The following EFCAB10 variants were observed in gnomAD, a reference collection of about 807,000 sequenced individuals.
The protein encoded by EFCAB10 is EF-hand calcium binding domain 10.
In EFCAB10, 7 loss-of-function variants were observed where a neutral mutation model predicts 7.7. That is an observed-to-expected ratio of 0.91 (90% CI 0.52 to 1.72). EFCAB10 has a LOEUF of 1.72. EFCAB10 is among the 40% of genes most tolerant of loss of function. EFCAB10 has a pLI of 0.00. For synonymous variants in EFCAB10, 52 were observed against 21.0 expected (o/e 2.47, Z -4.03); for missense variants, 112 against 61.5 (o/e 1.82, Z -2.74).
At chr7:105,571,443 T>C (rs1791946497) in intron 1 of EFCAB10, 1 of 152,192 alleles carries the variant, frequency 6.6e-6, no homozygotes, top group Non-Finnish European at 1.5e-5. Flanking sequence ...AACGTAGTTC[T>C]ACAGTATCAT....
At chr7:105,569,906 T>C (rs1283878473) in intron 1 of EFCAB10, among the ~76,000 whole-genome samples, 2 of 151,896 alleles carry the variant, frequency 1.3e-5, no homozygotes, top group Non-Finnish European at 2.9e-5. Flanking sequence ...GGGAAGAAGT[T>C]GGCAACCTAA....
rs1371395386 is a variant in EFCAB10, at chr7:105,581,376, G to A, written c.88C>T (p.Leu30Phe). Residue 30 changes from leucine to phenylalanine, a missense_variant, in exon 1 of 5, where the codon CTC becomes TTC. Transcript: ENST00000480514. ...KEVVSYLTSALLFFRPEKPKE... is the reference protein window; with the variant it reads ...KEVVSYLTSAFLFFRPEKPKE... ...CCCTTACCCGGCCGAAAGAAAAGGA[G>A]GGCGCTGGTGAGGTAGCTAACCACC... 4.3e-6 allele frequency: 3 copies of A among 702,990 alleles called. No individual in the cohort carries two copies. Among genetic ancestry groups the A allele is most frequent in the South Asian group, 1.5e-5 (1 of 67,596 alleles). The allele number at this position is 702,990 out of a possible 1,614,324, so 43.5% of individuals were successfully genotyped here.
At chr7:105,565,733 G>T in intron 4 of EFCAB10, 1 of 866,090 alleles carries the variant, frequency 1.2e-6, no homozygotes, top group Admixed American at 2.3e-5. Flanking sequence ...TTCTGGAGAT[G>T]TTTGGGTGGG....
chr7:105,575,261 G>C (rs1792049620), intron 1 of EFCAB10, among the ~76,000 whole-genome samples: 1 of 152,068 alleles, frequency 6.6e-6, no homozygotes, highest in Non-Finnish European at 1.5e-5. Flanking sequence ...TGAGATTTGG[G>C]CGGGGATACA....
chr7:105,568,048 C>T (rs898251255), intron 3 of EFCAB10, among the ~76,000 whole-genome samples: 27 of 152,152 alleles, frequency 1.8e-4, no homozygotes, highest in African/African-American at 6.5e-4. Flanking sequence ...GATTGTTCTT[C>T]ATTTCTCACA....
intron 3 of EFCAB10, among the ~76,000 whole-genome samples, chr7:105,568,812 G>C (rs1467793316): frequency 4.6e-5 from 7 of 152,112 alleles, no homozygotes; most frequent in Admixed American, 4.6e-4. Flanking sequence ...TTATCTGGAT[G>C]TGGTGATGCG....
At chr7:105,580,425 G>A (rs1792194115) in intron 1 of EFCAB10, among the ~76,000 whole-genome samples, 2 of 152,136 alleles carry the variant, frequency 1.3e-5, no homozygotes, top group South Asian at 4.1e-4. Context: ...ACCCGCTTCG[G>A]CCTCCCAAAG....
In EFCAB10 at chr7:105,578,948, T is replaced by A. The variant is rs61621345; in HGVS notation, c.106+2410A>T. Among the ~76,000 whole-genome samples, 391 of 152,282 alleles carry A rather than the reference T, an allele frequency of 2.6e-3. 3 individuals are homozygous for A. The highest frequency in any genetic ancestry group is 9.1e-3 in the African/African-American group (377 of 41,562). On this transcript the variant is annotated intron_variant, in intron 1 of 4. Coordinates refer to ENST00000480514, the MANE Select transcript of EFCAB10 (RefSeq NM_001355526.2). ...CCACCATGCCTGGCTAATTTTTGTA[T>A]TTTTAGTAGAGATGGGGTTTCACCA... is the stretch of plus-strand genomic sequence containing the variant.
chr7:105,567,155 C>A, intron 4 of EFCAB10: 2 of 1,585,046 alleles, frequency 1.3e-6, no homozygotes, highest in South Asian at 1.2e-5. Flanking sequence ...ATTTGAACGT[C>A]GGTTCTGCAC....
intron 3 of EFCAB10, among the ~76,000 whole-genome samples, chr7:105,567,848 T>C (rs768331381): frequency 2.4e-4 from 36 of 152,084 alleles, no homozygotes; most frequent in Admixed American, 5.9e-4. Flanking sequence ...CTGGCCAACA[T>C]GTCAAGACCC....
At chr7:105,579,496 T>G (rs892369632) in intron 1 of EFCAB10, among the ~76,000 whole-genome samples, 2 of 152,130 alleles carry the variant, frequency 1.3e-5, no homozygotes, top group African/African-American at 4.8e-5. Flanking sequence ...AATATATTAT[T>G]AACCAGGGAA....
chr7:105,565,326 A>T lies in EFCAB10; in HGVS notation c.*121T>A, dbSNP rs1791661472. The T allele has an allele frequency of 6.2e-7, 1 of 1,614,238 alleles. No individual in the cohort carries two copies. Among genetic ancestry groups the T allele is most frequent in the Non-Finnish European group, 8.5e-7 (1 of 1,180,036 alleles). On this transcript the variant is annotated 3_prime_UTR_variant, in exon 5 of 5. Transcript: ENST00000480514. ...AGAGCAGGCAGTGATGTCCCTGTCC[A>T]GTTCGGCTTGCCCGTTGCTGCTGAC...
At chr7:105,567,429 T>C in intron 4 of EFCAB10, 38 bp downstream of exon 4, 1 of 767,680 alleles carries the variant, frequency 1.3e-6, no homozygotes. Flanking sequence ...ATAGAATTAC[T>C]TATTATCTTG....
chr7:105,576,032 C>T (rs1348127875), intron 1 of EFCAB10, among the ~76,000 whole-genome samples: 7 of 151,880 alleles, frequency 4.6e-5, no homozygotes, highest in African/African-American at 1.2e-4. Flanking sequence ...AGCGAAACTC[C>T]GTCTCAACAA....
chr7:105,581,299 C>T, intron 1 of EFCAB10, 59 bp downstream of exon 1: 1 of 690,794 alleles, frequency 1.4e-6, no homozygotes, highest in South Asian at 1.5e-5. Context: ...AGGGGGGTTT[C>T]GTGTGGGAAG....
intron 1 of EFCAB10, among the ~76,000 whole-genome samples, chr7:105,575,321 A>T (rs575229145): frequency 2.9e-4 from 44 of 151,928 alleles, no homozygotes; most frequent in Non-Finnish European, 4.3e-4. Flanking sequence ...ATATATATAT[A>T]TTTTTTAGAT....
intron 1 of EFCAB10, chr7:105,572,952 G>C (rs111705370): frequency 2.7e-5 from 4 of 150,820 alleles, no homozygotes; most frequent in Admixed American, 2.6e-4. Flanking sequence ...GGCCATTTCT[G>C]TATCTTCTAT....
rs1791883639 is a variant in EFCAB10 at position 105,569,550 on chromosome 7, A to G, written c.128T>C (p.Ile43Thr). The G allele has an allele frequency of 7.2e-6, 5 of 694,376 alleles. No homozygotes were observed. The highest frequency in any genetic ancestry group is 1.3e-5 in the Non-Finnish European group (5 of 383,038). The allele number at this position is 694,376 out of a possible 1,614,324, so 43.0% of individuals were successfully genotyped here. A position where few individuals can be genotyped will look rare whatever the true frequency, so the allele number is the denominator to read the frequency against. ...AATTCTCAGTCGTTCCAATAGAGAT[A>G]TTAAATATTCTTTTGGTTTTTCTGC... The part of the protein sequence containing the change: ...FRPEKPKEYL[I>T]SLLERLRIAK... The change falls in exon 2 of 5, where the codon ATA becomes ACA. Residue 43 changes from isoleucine (I) to threonine (T), a missense_variant. Ile to Thr is a moderately conservative substitution (Grantham distance 89). Coordinates refer to ENST00000480514, the MANE Select transcript of EFCAB10 (RefSeq NM_001355526.2).
At chr7:105,581,198 C>CA (rs1444481072) in intron 1 of EFCAB10, among the ~76,000 whole-genome samples, 160 bp downstream of exon 1, 5 of 152,146 alleles carry the variant, frequency 3.3e-5, no homozygotes, top group African/African-American at 9.7e-5. Flanking sequence ...CATTGTACTG[C>CA]AGCCTGAGGG....
Sources: gnomAD v4.1 joint callset for allele counts (sites outside exome capture counted in the v4.1 genomes callset) on GRCh38, gnomAD v4.1.1 for gene constraint, MANE v1.5 for transcripts, NCBI Gene and HGNC (gene_info 2026-07-23, HGNC 2026-07-21) for gene names.